Variants in SGCZ observed in about 807,000 individuals in gnomAD.
SGCZ encodes zeta-sarcoglycan.
A neutral mutation model predicts 41.3 loss-of-function variants in SGCZ; 40 were observed. That is an observed-to-expected ratio of 0.97 (90% confidence interval 0.75 to 1.26). SGCZ has a LOEUF of 1.26. SGCZ is among the 50% of genes most tolerant of loss of function. The probability of loss-of-function intolerance (pLI) is 0.00; values close to 1 mark genes in which losing one functional copy is unlikely to be tolerated. For missense variants in SGCZ, 552 were observed against 369.8 expected (o/e 1.49, Z -4.04); for synonymous variants, 206 against 137.5 (o/e 1.50, Z -3.49).
intron 2 of SGCZ, among the ~76,000 whole-genome samples, chr8:14,416,301 G>A (rs1799491092): frequency 6.6e-6 from 1 of 151,926 alleles, no homozygotes; most frequent in Admixed American, 6.6e-5. Flanking sequence ...AGACCGAGCA[G>A]CTGTTGTCCT....
At chr8:14,623,758 C>G (rs1000650399) in intron 1 of SGCZ, among the ~76,000 whole-genome samples, 1 of 152,008 alleles carries the variant, frequency 6.6e-6, no homozygotes, top group Non-Finnish European at 1.5e-5. Context: ...GAGATGTCAC[C>G]GGGGTGCTGG....
chr8:15,122,166 C>A (rs1807507637), intron 1 of SGCZ, among the ~76,000 whole-genome samples: 1 of 151,674 alleles, frequency 6.6e-6, no homozygotes, highest in Admixed American at 6.6e-5. Context: ...ATACTCAACC[C>A]CAAACCCTGC....
chr8:14,722,728 G>T (rs1454606796), intron 1 of SGCZ, among the ~76,000 whole-genome samples: 1 of 152,092 alleles, frequency 6.6e-6, no homozygotes, highest in African/African-American at 2.4e-5. Flanking sequence ...ATGATGAGGA[G>T]AATCAAGGAA....
intron 4 of SGCZ, among the ~76,000 whole-genome samples, chr8:14,205,672 T>A (rs1421924362): frequency 6.6e-6 from 1 of 152,166 alleles, no homozygotes; most frequent in East Asian, 1.9e-4. Flanking sequence ...GTTTTTCATC[T>A]AAGTTTCCAG....
At chr8:14,225,033 ACATTCTAAATG>A in intron 4 of SGCZ, among the ~76,000 whole-genome samples, 1 of 152,136 alleles carries the variant, frequency 6.6e-6, no homozygotes, top group African/African-American at 2.4e-5. Flanking sequence ...TCTTCTTTTT[ACATTCTAAATG>A]CATTCTCTTT....
At chr8:14,107,450 G>A (rs1467071647) in intron 6 of SGCZ, among the ~76,000 whole-genome samples, 4 of 151,960 alleles carry the variant, frequency 2.6e-5, no homozygotes, top group Non-Finnish European at 5.9e-5. Context: ...TTAGACTGAG[G>A]AACCCCATCA....
intron 1 of SGCZ, among the ~76,000 whole-genome samples, chr8:14,759,102 G>A (rs988398069): frequency 4.6e-5 from 7 of 151,978 alleles, no homozygotes; most frequent in Non-Finnish European, 7.4e-5. Context: ...CAGCTGTTAG[G>A]ATGCAATATA....
At chr8:15,227,215 A>G (rs771290861) in intron 1 of SGCZ, among the ~76,000 whole-genome samples, 5 of 152,238 alleles carry the variant, frequency 3.3e-5, no homozygotes, top group Non-Finnish European at 5.9e-5. Context: ...TAAAGAGGGA[A>G]TAGAAAAATA....
At chr8:14,310,105 C>T (rs1313391318) in intron 3 of SGCZ, among the ~76,000 whole-genome samples, 2 of 152,184 alleles carry the variant, frequency 1.3e-5, no homozygotes, top group South Asian at 2.1e-4. Context: ...GATTATGATG[C>T]ATACAGTTTT....
intron 1 of SGCZ, among the ~76,000 whole-genome samples, chr8:15,041,767 G>C (rs182105435): frequency 5.1e-5 from 7 of 136,222 alleles, no homozygotes; most frequent in African/African-American, 1.5e-4. Flanking sequence ...ATTCTTATAT[G>C]GGGAACAAAA....
intron 2 of SGCZ, among the ~76,000 whole-genome samples, chr8:14,498,509 T>A (rs1403175575): frequency 1.3e-5 from 2 of 152,076 alleles, no homozygotes; most frequent in Non-Finnish European, 2.9e-5. Flanking sequence ...AAAAAATAAT[T>A]TTAGAAACAA....
chr8:14,768,754 A>G (rs1563256729), intron 1 of SGCZ, among the ~76,000 whole-genome samples: 1 of 151,976 alleles, frequency 6.6e-6, no homozygotes, highest in Non-Finnish European at 1.5e-5. Flanking sequence ...GAGGAAGGGA[A>G]GAGGACTGCA....
intron 1 of SGCZ, among the ~76,000 whole-genome samples, chr8:14,802,815 T>C (rs926308349): frequency 9.9e-5 from 15 of 152,044 alleles, no homozygotes; most frequent in African/African-American, 2.2e-4. Flanking sequence ...TTCCAAGAAA[T>C]AGGGTGAACT....
intron 2 of SGCZ, among the ~76,000 whole-genome samples, chr8:14,482,254 G>C (rs1230466433): frequency 6.6e-6 from 1 of 152,122 alleles, no homozygotes; most frequent in Non-Finnish European, 1.5e-5. Context: ...CAAATGACAG[G>C]TTCATCTCTG....
At chr8:14,825,035 C>T (rs1490996046) in intron 1 of SGCZ, among the ~76,000 whole-genome samples, 4 of 152,138 alleles carry the variant, frequency 2.6e-5, no homozygotes, top group East Asian at 1.9e-4. Flanking sequence ...CCACACTATA[C>T]TAAACTGAAT....
chr8:15,108,771 A>G (rs1254046192), intron 1 of SGCZ, among the ~76,000 whole-genome samples: 1 of 152,202 alleles, frequency 6.6e-6, no homozygotes, highest in Non-Finnish European at 1.5e-5. Context: ...AGGCTCTGCT[A>G]CTAACATGAA....
At chr8:14,094,871 T>C (rs1391065772) in intron 7 of SGCZ, among the ~76,000 whole-genome samples, 1 of 152,230 alleles carries the variant, frequency 6.6e-6, no homozygotes, top group African/African-American at 2.4e-5. Context: ...TTGATTTGCA[T>C]TTCTCTAATG....
chr8:15,175,291 T>G (rs1465306870), intron 1 of SGCZ, among the ~76,000 whole-genome samples: 2 of 151,544 alleles, frequency 1.3e-5, no homozygotes. Context: ...CAAAAGCCCA[T>G]CAATGACAGA....
chr8:14,398,070 C>A (rs2117237050), intron 2 of SGCZ, among the ~76,000 whole-genome samples: 1 of 152,090 alleles, frequency 6.6e-6, no homozygotes, highest in African/African-American at 2.4e-5. Context: ...GACATCAACT[C>A]AAGGGACCCT....
Sources: gnomAD v4.1 joint callset for allele counts (sites outside exome capture counted in the v4.1 genomes callset) on GRCh38, gnomAD v4.1.1 for gene constraint, MANE v1.5 for transcripts, NCBI Gene and HGNC (gene_info 2026-07-23, HGNC 2026-07-21) for gene names.